The following MMP24 variants were observed in gnomAD, a reference collection of about 807,000 sequenced individuals.
MMP24 encodes matrix metallopeptidase 24, also known as matrix metalloproteinase-24.
Under a neutral mutation model 62.8 loss-of-function variants are expected in MMP24, and 25 were observed. That is an observed-to-expected ratio of 0.40 (90% CI 0.29 to 0.56). The LOEUF (loss-of-function observed/expected upper bound fraction) is 0.56, where lower values mean the gene tolerates loss of function less well. MMP24 is among the 20% of genes least tolerant of loss of function. The probability of loss-of-function intolerance (pLI) is 0.50; values close to 1 mark genes in which losing one functional copy is unlikely to be tolerated. For synonymous variants in MMP24, 319 were observed against 350.5 expected, an observed-to-expected ratio of 0.91 and a Z score of 1.00; for missense variants, 634 against 853.6, an observed-to-expected ratio of 0.74 and a Z score of 3.21.
In MMP24 at chr20:35,250,090, C is replaced by T. The variant is rs573884497; in HGVS notation, c.396-1815C>T. Among the ~76,000 whole-genome samples, 10 of 152,132 alleles carry T rather than the reference C, an allele frequency of 6.6e-5. No individual in the cohort carries two copies. The East Asian group carries it at 1.9e-3, about 29-fold the overall frequency. ...ACCTCAGCCTCCCTAGTAGCTGGGA[C>T]TACAGGCACATGCCACCATGCCTGG... is the stretch of plus-strand genomic sequence containing the variant. On this transcript the variant is annotated intron_variant, in intron 2 of 8. Transcript: ENST00000246186.
chr20:35,249,969 A>G (rs771483883), intron 2 of MMP24, among the ~76,000 whole-genome samples: 1 of 151,564 alleles, frequency 6.6e-6, no homozygotes, highest in Non-Finnish European at 1.5e-5. Flanking sequence ...TTATTTATCT[A>G]TTTATTGAGA....
chr20:35,258,336 G>C (rs1600794130), intron 4 of MMP24, among the ~76,000 whole-genome samples: 1 of 152,104 alleles, frequency 6.6e-6, no homozygotes, highest in South Asian at 2.1e-4. Flanking sequence ...CCCAGTTCGA[G>C]TTCACTTTCC....
Position 35,246,868 on chromosome 20 carries a change from T to C in MMP24, c.275T>C (p.Leu92Pro). ...TGGTTAAAGTCCTATGGCTATCTGCTTCCCTATGACTCACGGGCATCTGCG... is the reference window on the plus strand; with the variant it reads ...TGGTTAAAGTCCTATGGCTATCTGCCTCCCTATGACTCACGGGCATCTGCG... ...QNWLKSYGYL[L>P]PYDSRASALH... Residue 92 changes from leucine to proline, a missense_variant, in exon 2 of 9, where the codon CTT becomes CCT. Around this residue, in one of 3 missense-constraint regions of MMP24, gnomAD observed 212 missense variants for 259.6 expected, o/e 0.82. Coordinates refer to ENST00000246186, the MANE Select transcript of MMP24 (RefSeq NM_006690.4). 6.2e-7 allele frequency: 1 copy of C among 1,614,034 alleles called. No individual in the cohort carries two copies. The highest frequency in any genetic ancestry group is 1.1e-5 in the South Asian group (1 of 91,086).
intron 4 of MMP24, 27 bp from the exon 5 acceptor site, chr20:35,263,764 G>A (rs1408030115): frequency 6.8e-7 from 1 of 1,481,036 alleles, no homozygotes; most frequent in Non-Finnish European, 9.0e-7. Flanking sequence ...AGGTGCCCTG[G>A]GCACCTCCCC....
chr20:35,270,909 A>G (rs1398044150), intron 7 of MMP24, among the ~76,000 whole-genome samples: 1 of 152,210 alleles, frequency 6.6e-6, no homozygotes, highest in East Asian at 1.9e-4. Context: ...GCATGGTGGC[A>G]CGTGCCTGTA....
intron 1 of MMP24, among the ~76,000 whole-genome samples, chr20:35,242,600 C>T (rs2060494125): frequency 6.6e-6 from 1 of 152,116 alleles, no homozygotes; most frequent in Non-Finnish European, 1.5e-5. Flanking sequence ...AAACATTTTC[C>T]TCAAGCTAAA....
intron 4 of MMP24, among the ~76,000 whole-genome samples, chr20:35,261,493 G>A (rs1275436269): frequency 6.6e-6 from 1 of 152,170 alleles, no homozygotes; most frequent in Non-Finnish European, 1.5e-5. Flanking sequence ...ACTGGCAGGG[G>A]GAATGAAGGT....
In MMP24 at chr20:35,275,125, G is replaced by C. The variant is rs2060696573; in HGVS notation, c.*516G>C. ...CTACAGGACCCCTGCTTCTGACACAGTGAGCAACAAGCCTGGGTTTCCCTG... is the reference window on the plus strand; with the variant it reads ...CTACAGGACCCCTGCTTCTGACACACTGAGCAACAAGCCTGGGTTTCCCTG... On this transcript the variant is annotated 3_prime_UTR_variant, in exon 9 of 9. Transcript: ENST00000246186. The C allele has an allele frequency of 6.3e-6, 1 of 158,276 alleles. No individual in the cohort carries two copies. The highest frequency in any genetic ancestry group is 1.4e-5 in the Non-Finnish European group (1 of 71,204). The allele number at this position is 158,276 out of a possible 1,614,324, so 9.8% of individuals were successfully genotyped here. A position where few individuals can be genotyped will look rare whatever the true frequency, so the allele number is the denominator to read the frequency against.
chr20:35,272,133 T>C (rs1444802375), intron 8 of MMP24: 4 of 459,854 alleles, frequency 8.7e-6, no homozygotes, highest in Non-Finnish European at 1.5e-5. Flanking sequence ...AGGGACGCCT[T>C]GAGTTACCCA....
At chr20:35,245,357 A>G (rs2146209911) in intron 1 of MMP24, among the ~76,000 whole-genome samples, 1 of 152,270 alleles carries the variant, frequency 6.6e-6, no homozygotes, top group Non-Finnish European at 1.5e-5. Context: ...TCCTCACCCA[A>G]AACTGTTAAC....
At position 35,269,383 on chromosome 20, in the gene MMP24, C is replaced by T. The variant is rs1295577135; in HGVS notation, c.1195-377C>T. 6.6e-6 allele frequency among the ~76,000 whole-genome samples: 1 copy of T among 152,216 alleles called. No individual in the cohort carries two copies. Among genetic ancestry groups the T allele is most frequent in the Non-Finnish European group, 1.5e-5 (1 of 68,036 alleles). On this transcript the variant is annotated intron_variant, in intron 6 of 8. Coordinates refer to ENST00000246186, the MANE Select transcript of MMP24 (RefSeq NM_006690.4). The surrounding 1 kb of genome is among the most constrained non-coding windows in gnomAD (Gnocchi z 4.6). ...CCAGCCTCATGGAGGGCGCTCGGCC[C>T]AGGCTCAGTGACCACCCCAGCCTCC...
At chr20:35,272,061 G>T in intron 8 of MMP24, 1 of 595,634 alleles carries the variant, frequency 1.7e-6, no homozygotes, top group Non-Finnish European at 2.9e-6. Flanking sequence ...GAGAGACGTT[G>T]TCATAGACTG....
At chr20:35,251,340 G>C (rs1220162382) in intron 2 of MMP24, among the ~76,000 whole-genome samples, 2 of 151,984 alleles carry the variant, frequency 1.3e-5, no homozygotes, top group Non-Finnish European at 1.5e-5. Flanking sequence ...GGCCAGGCTG[G>C]TCTCGAACTC....
intron 3 of MMP24, 114 bp downstream of exon 3, chr20:35,252,135 C>T (rs1205921649): frequency 4.7e-6 from 4 of 849,384 alleles, no homozygotes; most frequent in Non-Finnish European, 7.7e-6. Context: ...AGGCTTACAA[C>T]ATAGGCCAAG....
rs1361010820 is a variant in MMP24, at chr20:35,269,935, A to G, written c.1333+37A>G. 2 of 1,550,642 alleles carry G rather than the reference A, an allele frequency of 1.3e-6. No homozygotes were observed. The highest frequency in any genetic ancestry group is 8.7e-7 in the Non-Finnish European group (1 of 1,146,384). ...TGTGCTGTGGGACAGTTCCCTGCCCAAGGTCTTGGGACCTCCTTTTTCCCA... is the reference window on the plus strand; with the variant it reads ...TGTGCTGTGGGACAGTTCCCTGCCCGAGGTCTTGGGACCTCCTTTTTCCCA... On this transcript the variant is annotated intron_variant, in intron 7 of 8. Coordinates refer to ENST00000246186, the MANE Select transcript of MMP24 (RefSeq NM_006690.4). The surrounding 1 kb of genome is among the most constrained non-coding windows in gnomAD (Gnocchi z 4.6).
chr20:35,272,798 A>T (rs2060678752), intron 8 of MMP24, among the ~76,000 whole-genome samples: 1 of 152,202 alleles, frequency 6.6e-6, no homozygotes, highest in African/African-American at 2.4e-5. Context: ...AATCTGAGCA[A>T]ATCTTTAATA....
rs778819867 is a variant in MMP24, at chr20:35,274,656, T to C, written c.*47T>C. 4 of 1,469,540 alleles carry C rather than the reference T, an allele frequency of 2.7e-6. No homozygotes were observed. Among genetic ancestry groups the C allele is most frequent in the Middle Eastern group, 1.9e-4 (1 of 5,368 alleles). 91.0% of individuals were successfully genotyped at this position (1,469,540 alleles called of 1,614,324 possible). On this transcript the variant is annotated 3_prime_UTR_variant, in exon 9 of 9. Coordinates refer to ENST00000246186, the MANE Select transcript of MMP24 (RefSeq NM_006690.4). The surrounding 1 kb of genome is among the most constrained non-coding windows in gnomAD (Gnocchi z 5.1). ...CCACTTGGTCTGGCCAGCCAGGCCCTTCCTCACCAGGGTCTGAGGGGCAGC... is the reference window on the plus strand; with the variant it reads ...CCACTTGGTCTGGCCAGCCAGGCCCCTCCTCACCAGGGTCTGAGGGGCAGC...
intron 1 of MMP24, among the ~76,000 whole-genome samples, chr20:35,242,920 G>A (rs2060496146): frequency 6.6e-6 from 1 of 152,214 alleles, no homozygotes; most frequent in Non-Finnish European, 1.5e-5. Flanking sequence ...GCTCATGCCT[G>A]TAATCCCAGC....
At chr20:35,258,474 G>A (rs568811610) in intron 4 of MMP24, among the ~76,000 whole-genome samples, 1 of 152,150 alleles carries the variant, frequency 6.6e-6, no homozygotes, top group South Asian at 2.1e-4. Context: ...CTACACACAC[G>A]TTTCCCTCCA....
Sources: allele counts gnomAD v4.1 joint callset (sites outside exome capture counted in the v4.1 genomes callset), GRCh38; gene constraint gnomAD v4.1.1; regional missense constraint gnomAD v4.1.1; non-coding constraint Gnocchi (gnomAD v3.1); transcripts MANE v1.5; gene names NCBI Gene and HGNC (gene_info 2026-07-23, HGNC 2026-07-21).